The following DMD variants were observed in gnomAD, a reference collection of about 807,000 sequenced individuals.
The protein encoded by DMD is mutant dystrophin.
DMD carries 63 observed loss-of-function variants against 330.1 expected under a neutral mutation model. That is an observed-to-expected ratio of 0.19 (90% CI 0.16 to 0.24). The LOEUF (loss-of-function observed/expected upper bound fraction) is 0.24. Ranked by LOEUF, DMD falls within the 10% of genes least tolerant of loss-of-function variation. The pLI, the probability that DMD is intolerant of heterozygous loss-of-function variation, is 1.00. For synonymous variants in DMD, 1,223 were observed against 959.8 expected (o/e 1.27, Z -5.07); for missense variants, 3,344 against 2,684.1 (o/e 1.25, Z -5.43).
At chrX:31,857,380 GAAAAAAA>G (rs57685055) in intron 48 of DMD, among the ~76,000 whole-genome samples, 7,344 of 35,843 alleles carry the variant, frequency 0.2, 322 homozygotes, top group South Asian at 0.27. Context: ...CTCCACCTCG[GAAAAAAA>G]AAAAAAAAAA....
intron 48 of DMD, among the ~76,000 whole-genome samples, chrX:31,861,101 A>G (rs2149601611): frequency 8.9e-6 from 1 of 112,210 alleles, no homozygotes; most frequent in African/African-American, 3.2e-5. Flanking sequence ...CTTAGTAAGA[A>G]AGAGACCAAT....
At chrX:31,914,554 G>A (rs187599741) in intron 47 of DMD, among the ~76,000 whole-genome samples, 4,656 of 112,209 alleles carry the variant, frequency 0.041, 82 homozygotes, top group Non-Finnish European at 0.066. Flanking sequence ...TTCTGCCATA[G>A]AAAAGATTGA....
At chrX:31,803,006 G>A (rs894707104) in intron 50 of DMD, among the ~76,000 whole-genome samples, 2 of 111,641 alleles carry the variant, frequency 1.8e-5, no homozygotes, top group African/African-American at 6.5e-5. Flanking sequence ...ATGGACCATG[G>A]GGACTGTATT....
At chrX:33,105,367 G>A (rs1033087049) in intron 1 of DMD, among the ~76,000 whole-genome samples, 5 of 111,306 alleles carry the variant, frequency 4.5e-5, no homozygotes, top group Non-Finnish European at 9.4e-5. Flanking sequence ...CATTGGCCTA[G>A]GTAAAGAATT....
At chrX:31,306,204 A>C (rs748939683) in intron 62 of DMD, among the ~76,000 whole-genome samples, 1 of 111,884 alleles carries the variant, frequency 8.9e-6, no homozygotes, top group South Asian at 3.7e-4. Flanking sequence ...AAATTTAAAA[A>C]AAAATCCAGA....
At chrX:32,754,846 C>G (rs56163363) in intron 7 of DMD, 2 of 111,671 alleles carry the variant, frequency 1.8e-5, no homozygotes, top group Non-Finnish European at 3.8e-5. Flanking sequence ...GCAGATGGCT[C>G]CCACTATCAT....
intron 62 of DMD, among the ~76,000 whole-genome samples, chrX:31,291,137 T>G (rs1247335302): frequency 8.9e-6 from 1 of 111,994 alleles, no homozygotes; most frequent in Non-Finnish European, 1.9e-5. Context: ...AAAATGGAAT[T>G]ATATCTGTGC....
rs755087304 is a variant in DMD at position 32,899,121 on chromosome X, G to A, written c.94-49301C>T. 1.3e-4 allele frequency among the ~76,000 whole-genome samples: 15 copies of A among 111,944 alleles called. No individual in the cohort carries two copies. In the South Asian group the frequency reaches 5.6e-3, roughly 42 times the overall value. ...AAAAATAGCTCTACATTCTGACATG[G>A]ACACTGCTAGACTGAATTGATTAGC... On this transcript the variant is annotated intron_variant, in intron 2 of 78. Coordinates refer to ENST00000357033, the MANE Select transcript of DMD (RefSeq NM_004006.3).
intron 2 of DMD, among the ~76,000 whole-genome samples, chrX:32,941,237 T>G (rs1248509798): frequency 2.7e-5 from 3 of 111,854 alleles, no homozygotes; most frequent in Non-Finnish European, 5.6e-5. Flanking sequence ...TGGAAGGCAG[T>G]TTGGAGATTT....
intron 63 of DMD, among the ~76,000 whole-genome samples, chrX:31,225,643 G>A (rs1186103634): frequency 3.6e-5 from 4 of 111,854 alleles, no homozygotes; most frequent in African/African-American, 1.3e-4. Flanking sequence ...AGAATCACCT[G>A]GAGTGGATAG....
At chrX:32,840,181 G>C (rs951731158) in intron 4 of DMD, among the ~76,000 whole-genome samples, 24 of 111,747 alleles carry the variant, frequency 2.1e-4, no homozygotes, top group African/African-American at 7.8e-4. Context: ...TGAAAGCATT[G>C]TTAATATCTG....
intron 1 of DMD, among the ~76,000 whole-genome samples, chrX:33,064,319 C>T (rs937301948): frequency 5.4e-5 from 6 of 110,700 alleles, no homozygotes; most frequent in Admixed American, 1.9e-4. Flanking sequence ...TCTATTATTG[C>T]GGCAACTTTC....
chrX:33,332,779 A>T (rs1442700173), intron 1 of DMD, among the ~76,000 whole-genome samples: 1 of 111,551 alleles, frequency 9.0e-6, no homozygotes, highest in East Asian at 2.8e-4. Flanking sequence ...TTGTTATTTT[A>T]ATAAGAGAAA....
At chrX:32,579,919 TTG>T (rs1419105545) in intron 13 of DMD, among the ~76,000 whole-genome samples, 1 of 112,909 alleles carries the variant, frequency 8.9e-6, no homozygotes, top group Non-Finnish European at 1.9e-5. Flanking sequence ...TATTATTTAT[TTG>T]TGTGAGTATA....
At chrX:32,780,478 G>C (rs1033928454) in intron 7 of DMD, among the ~76,000 whole-genome samples, 2 of 112,028 alleles carry the variant, frequency 1.8e-5, no homozygotes, top group Admixed American at 9.5e-5. Flanking sequence ...ACAGGTATAT[G>C]TTTTAGCATA....
chrX:32,309,801 G>C (rs997939046), intron 42 of DMD, among the ~76,000 whole-genome samples: 4 of 110,947 alleles, frequency 3.6e-5, no homozygotes, highest in Non-Finnish European at 7.6e-5. Context: ...TTATTTACTG[G>C]TGGTTCCTTT....
At chrX:32,646,295 G>C (rs956374667) in intron 9 of DMD, among the ~76,000 whole-genome samples, 1 of 111,310 alleles carries the variant, frequency 9.0e-6, no homozygotes, top group African/African-American at 3.3e-5. Context: ...GTTTGCAGGA[G>C]GTTTTGCTTT....
chrX:33,071,053 C>G (rs1206231032), intron 1 of DMD, among the ~76,000 whole-genome samples: 1 of 111,007 alleles, frequency 9.0e-6, no homozygotes, highest in South Asian at 3.8e-4. Flanking sequence ...GAACATTATA[C>G]TTGAAGTTAG....
intron 60 of DMD, among the ~76,000 whole-genome samples, chrX:31,360,451 G>A (rs1377813565): frequency 8.9e-6 from 1 of 111,936 alleles, no homozygotes; most frequent in East Asian, 2.8e-4. Context: ...CGCAGTTTTT[G>A]CCATTGAAGG....
Sources: gnomAD v4.1 joint callset for allele counts (sites outside exome capture counted in the v4.1 genomes callset) on GRCh38, gnomAD v4.1.1 for gene constraint, MANE v1.5 for transcripts, NCBI Gene and HGNC (gene_info 2026-07-23, HGNC 2026-07-21) for gene names.